Variants in SHISA9 observed in about 807,000 individuals in gnomAD.
SHISA9 encodes the protein shisa family member 9.
In SHISA9, 13 loss-of-function variants were observed where a neutral mutation model predicts 38.0. The ratio of observed to expected loss-of-function variants is 0.34; its 90% confidence interval spans 0.22 to 0.54. SHISA9 has a LOEUF of 0.54. Ranked by LOEUF, SHISA9 falls within the 20% of genes least tolerant of loss-of-function variation. The pLI is 0.91. For synonymous variants in SHISA9, 275 were observed against 242.0 expected (o/e 1.14, Z -1.27); for missense variants, 538 against 575.8 (o/e 0.93, Z 0.67).
chr16:13,300,770 T>C, the SHISA9 span, among the ~76,000 whole-genome samples: 12 of 151,922 alleles, frequency 7.9e-5, no homozygotes, highest in African/African-American at 2.7e-4. Flanking sequence ...TTCAGAGAAA[T>C]GTGGGTTCTG....
intron 2 of SHISA9, among the ~76,000 whole-genome samples, chr16:12,974,508 C>CCA (rs2072129910): frequency 1.3e-5 from 1 of 79,724 alleles, no homozygotes; most frequent in African/African-American, 5.4e-5. Flanking sequence ...TTTTTTTTTC[C>CCA]GGAGTTTCGC....
chr16:13,413,528 G>A, the SHISA9 span, among the ~76,000 whole-genome samples: 1 of 151,964 alleles, frequency 6.6e-6, no homozygotes, highest in Admixed American at 6.6e-5. Context: ...GGCCGAGGTG[G>A]GCAGATTACA....
At chr16:13,160,449 G>C (rs181167297) in intron 2 of SHISA9, among the ~76,000 whole-genome samples, 1 of 152,302 alleles carries the variant, frequency 6.6e-6, no homozygotes, top group East Asian at 1.9e-4. Flanking sequence ...CCCTCCTCCA[G>C]TAATATATCA....
intron 2 of SHISA9, among the ~76,000 whole-genome samples, chr16:13,058,940 G>A (rs276633): frequency 0.15 from 22,362 of 151,904 alleles, 1,777 homozygotes; most frequent in African/African-American, 0.2. Context: ...TGTGGGTTTG[G>A]GGGGTGGACA....
chr16:13,333,093 G>A, the SHISA9 span, among the ~76,000 whole-genome samples: 25 of 152,340 alleles, frequency 1.6e-4, no homozygotes, highest in Admixed American at 7.8e-4. Flanking sequence ...CTGGAGAAGG[G>A]GGAAAGGGAA....
chr16:12,984,554 G>A (rs555911315), intron 2 of SHISA9, among the ~76,000 whole-genome samples: 1 of 152,312 alleles, frequency 6.6e-6, no homozygotes, highest in Admixed American at 6.5e-5. Context: ...ATCAGCTCTT[G>A]TAAGTGGTTC....
intron 2 of SHISA9, among the ~76,000 whole-genome samples, chr16:13,146,043 C>T (rs1346393317): frequency 1.3e-5 from 2 of 152,142 alleles, no homozygotes; most frequent in African/African-American, 2.4e-5. Flanking sequence ...CAAAAATTAG[C>T]GAGGTGTGGT....
chr16:13,216,855 C>A (rs2051173968), intron 4 of SHISA9, among the ~76,000 whole-genome samples: 1 of 152,152 alleles, frequency 6.6e-6, no homozygotes, highest in South Asian at 2.1e-4. Context: ...ATTTATTTTT[C>A]ACCACCTAGG....
chr16:13,400,373 C>T, the SHISA9 span, among the ~76,000 whole-genome samples: 1 of 152,152 alleles, frequency 6.6e-6, no homozygotes, highest in Admixed American at 6.5e-5. Flanking sequence ...AACACACACA[C>T]ACACACACAC....
At chr16:13,503,080 C>T in the SHISA9 span, among the ~76,000 whole-genome samples, 1 of 152,116 alleles carries the variant, frequency 6.6e-6, no homozygotes, top group African/African-American at 2.4e-5. Flanking sequence ...ATATTTAAGC[C>T]AGAAGGATGA....
intron 2 of SHISA9, among the ~76,000 whole-genome samples, chr16:12,976,652 T>G (rs2141818519): frequency 6.6e-6 from 1 of 152,312 alleles, no homozygotes; most frequent in South Asian, 2.1e-4. Context: ...TTAGGTGTTC[T>G]AAGGTGTAGA....
chr16:13,089,031 T>A (rs568366949), intron 2 of SHISA9, among the ~76,000 whole-genome samples: 11 of 152,194 alleles, frequency 7.2e-5, no homozygotes, highest in Non-Finnish European at 1.2e-4. Context: ...GGACTTGAAT[T>A]TTGTTGAAGG....
rs534430775 is a variant in SHISA9, at chr16:12,922,953, A to T, written c.691+6138A>T. Among the ~76,000 whole-genome samples the T allele has an allele frequency of 1.3e-3, 202 of 152,140 alleles. 3 individuals carry two copies. The highest frequency in any genetic ancestry group is 2.5e-3 in the Non-Finnish European group (170 of 68,000). ...GTCACAACTGTACCGCCCCTGCCCC[A>T]CCAGGAACTGGGCTGACTCATGGCA... On this transcript the variant is annotated intron_variant, in intron 2 of 4. Transcript: ENST00000558583.
chr16:12,993,619 C>A (rs373144806), intron 2 of SHISA9, among the ~76,000 whole-genome samples: 3 of 152,050 alleles, frequency 2.0e-5, no homozygotes, highest in African/African-American at 7.2e-5. Flanking sequence ...TGGTGGTGGG[C>A]AAAATAGATT....
chr16:13,207,912 A>G (rs2550561), intron 3 of SHISA9, among the ~76,000 whole-genome samples: 33,488 of 152,090 alleles, frequency 0.22, 4,058 homozygotes, highest in East Asian at 0.36. Context: ...TCCGATAAGC[A>G]GATTCATTTT....
chr16:13,339,947 T>C, the SHISA9 span, among the ~76,000 whole-genome samples: 1 of 152,250 alleles, frequency 6.6e-6, no homozygotes. Flanking sequence ...ATATTATTAT[T>C]AATTGGACTC....
intron 4 of SHISA9, among the ~76,000 whole-genome samples, chr16:13,214,690 C>A (rs983928285): frequency 2.6e-5 from 4 of 152,166 alleles, no homozygotes; most frequent in Non-Finnish European, 5.9e-5. Context: ...GTCTCACAAT[C>A]AGGGCAGAAG....
At chr16:13,536,685 C>T in the SHISA9 span, among the ~76,000 whole-genome samples, 3 of 152,250 alleles carry the variant, frequency 2.0e-5, no homozygotes, top group South Asian at 6.2e-4. Context: ...AAGACAGTAG[C>T]CATGAGAGAA....
chr16:13,452,255 G>A, the SHISA9 span, among the ~76,000 whole-genome samples: 1 of 152,208 alleles, frequency 6.6e-6, no homozygotes, highest in Non-Finnish European at 1.5e-5. Context: ...TACTGCTAAT[G>A]ATATTGCATA....
Sources: gnomAD v4.1 joint callset for allele counts (sites outside exome capture counted in the v4.1 genomes callset) on GRCh38, gnomAD v4.1.1 for gene constraint, MANE v1.5 for transcripts, NCBI Gene and HGNC (gene_info 2026-07-23, HGNC 2026-07-21) for gene names.